Variants in HAPLN1 observed in about 807,000 individuals in gnomAD.
HAPLN1 encodes the protein hyaluronan and proteoglycan link protein 1, also known as Cartilage link protein.
In HAPLN1, 13 loss-of-function variants were observed where a neutral mutation model predicts 36.5. The ratio of observed to expected loss-of-function variants is 0.36; its 90% CI spans 0.23 to 0.57. The LOEUF is 0.57. HAPLN1 is among the 20% of genes least tolerant of loss of function. The probability of loss-of-function intolerance (pLI) is 0.83; values close to 1 mark genes in which losing one functional copy is unlikely to be tolerated. For synonymous variants in HAPLN1, 202 were observed against 169.8 expected, an observed-to-expected ratio of 1.19 and a Z score of -1.48; for missense variants, 407 against 439.7, an observed-to-expected ratio of 0.93 and a Z score of 0.66.
rs1008202800 is a variant in HAPLN1 at position 83,644,556 on chromosome 5, C to T, written c.582G>A (p.Leu194=). The part of the protein sequence containing the change: ...QDAVIASFDQ[L]YDAWRGGLDW... Reference sequence around the variant, plus strand: ...CCAGCCCGCCCCGCCAGGCGTCGTACAGCTGGTCGAAGGAGGCGATCACAG... The same window carrying T: ...CCAGCCCGCCCCGCCAGGCGTCGTATAGCTGGTCGAAGGAGGCGATCACAG... Residue 194 remains leucine, a synonymous_variant, in exon 4 of 5, where the codon CTG becomes CTA. Transcript: ENST00000274341. The T allele has an allele frequency of 1.9e-6, 3 of 1,602,536 alleles. No individual in the cohort carries two copies. The highest frequency in any genetic ancestry group is 2.6e-6 in the Non-Finnish European group (3 of 1,175,054).
chr5:83,650,129 T>C (rs1023587812), intron 3 of HAPLN1, among the ~76,000 whole-genome samples: 3 of 152,094 alleles, frequency 2.0e-5, no homozygotes, highest in Non-Finnish European at 4.4e-5. Flanking sequence ...TTTTAAAGCC[T>C]CTCCTCTACC....
chr5:83,716,015 T>G (rs564527289), intron 1 of HAPLN1, among the ~76,000 whole-genome samples: 1 of 152,192 alleles, frequency 6.6e-6, no homozygotes, highest in Admixed American at 6.5e-5. Flanking sequence ...GCCTGGTAAA[T>G]AGCCAGTGCT....
chr5:83,695,930 TA>T (rs759471935), intron 1 of HAPLN1, among the ~76,000 whole-genome samples: 2 of 151,886 alleles, frequency 1.3e-5, no homozygotes, highest in African/African-American at 2.4e-5. Flanking sequence ...AGAGTGGAAT[TA>T]AGGCAAGAAA....
intron 1 of HAPLN1, among the ~76,000 whole-genome samples, chr5:83,699,153 TAAAAG>T (rs996220819): frequency 1.4e-4 from 21 of 152,172 alleles, no homozygotes; most frequent in African/African-American, 5.1e-4. Flanking sequence ...AAAGAGTACA[TAAAAG>T]GAAGAGGCTT....
intron 1 of HAPLN1, among the ~76,000 whole-genome samples, chr5:83,689,676 C>T (rs1470071904): frequency 6.6e-6 from 1 of 151,980 alleles, no homozygotes; most frequent in African/African-American, 2.4e-5. Context: ...GGCCAATTTT[C>T]TCAGAAAGGG....
intron 3 of HAPLN1, among the ~76,000 whole-genome samples, chr5:83,645,521 ATT>A (rs1412913262): frequency 1.2e-5 from 1 of 83,364 alleles, no homozygotes; most frequent in African/African-American, 5.0e-5. Context: ...GTGTTAGTAT[ATT>A]TTATGTGTGG....
At chr5:83,689,593 T>C (rs1351275127) in intron 1 of HAPLN1, among the ~76,000 whole-genome samples, 1 of 152,086 alleles carries the variant, frequency 6.6e-6, no homozygotes, top group Non-Finnish European at 1.5e-5. Context: ...AGTGGAATGA[T>C]AATATCAAGG....
At chr5:83,698,445 T>C (rs1267527449) in intron 1 of HAPLN1, among the ~76,000 whole-genome samples, 1 of 152,218 alleles carries the variant, frequency 6.6e-6, no homozygotes, top group Non-Finnish European at 1.5e-5. Flanking sequence ...CTGTGACATA[T>C]GTTAAAAAAT....
Position 83,638,135 on chromosome 5 carries a change from T to TGAC in HAPLN1, c.*3358_*3360dup, listed in dbSNP as rs1401074461. Reference sequence around the variant, plus strand: ...AATGCCTTTCTTGGAAATAATGTATTGACAGAGTTTGACACAAAGAAAAAT... The same window carrying TGAC: ...AATGCCTTTCTTGGAAATAATGTATTGACGACAGAGTTTGACACAAAGAAAAAT... On this transcript the variant is annotated 3_prime_UTR_variant, in exon 5 of 5. Coordinates refer to ENST00000274341, the MANE Select transcript of HAPLN1 (RefSeq NM_001884.4). 6.6e-6 allele frequency: 1 copy of TGAC among 151,864 alleles called. No individual in the cohort carries two copies. Among genetic ancestry groups the TGAC allele is most frequent in the Non-Finnish European group, 1.5e-5 (1 of 67,856 alleles). 9.4% of individuals were successfully genotyped at this position (151,864 alleles called of 1,614,324 possible). A position where few individuals can be genotyped will look rare whatever the true frequency, so the allele number is the denominator to read the frequency against.
chr5:83,681,182 CA>C (rs993289479), intron 1 of HAPLN1, among the ~76,000 whole-genome samples: 5 of 151,962 alleles, frequency 3.3e-5, no homozygotes, highest in Non-Finnish European at 7.4e-5. Context: ...TTATTATGAT[CA>C]GTAATAGTAA....
intron 2 of HAPLN1, among the ~76,000 whole-genome samples, chr5:83,661,435 C>CTTT (rs56005008): frequency 0.027 from 1,680 of 63,004 alleles, 336 homozygotes; most frequent in Middle Eastern, 0.034. Flanking sequence ...AGAAAAGCTT[C>CTTT]TTTTTTTTTT....
intron 2 of HAPLN1, among the ~76,000 whole-genome samples, chr5:83,672,336 C>CTA (rs1003710493): frequency 2.2e-4 from 33 of 152,216 alleles, no homozygotes; most frequent in East Asian, 5.8e-4. Context: ...TCTGATTCTA[C>CTA]TATATATTAC....
At chr5:83,687,538 T>A (rs1013479625) in intron 1 of HAPLN1, among the ~76,000 whole-genome samples, 3 of 152,208 alleles carry the variant, frequency 2.0e-5, no homozygotes, top group African/African-American at 7.2e-5. Flanking sequence ...AAACAAGGAA[T>A]GACCTCTTTA....
chr5:83,713,659 T>C (rs572106685), intron 1 of HAPLN1, among the ~76,000 whole-genome samples: 1 of 152,336 alleles, frequency 6.6e-6, no homozygotes, highest in African/African-American at 2.4e-5. Context: ...CTGTTGGCAC[T>C]TCTTCCTAAA....
chr5:83,647,471 A>G (rs1006701332), intron 3 of HAPLN1, among the ~76,000 whole-genome samples: 4 of 152,204 alleles, frequency 2.6e-5, no homozygotes, highest in African/African-American at 9.6e-5. Flanking sequence ...AGTAAGATGT[A>G]TCTTACAAGC....
intron 2 of HAPLN1, among the ~76,000 whole-genome samples, chr5:83,663,503 T>G (rs1024786258): frequency 2.0e-5 from 3 of 152,154 alleles, no homozygotes; most frequent in Admixed American, 6.5e-5. Context: ...TCTGGTCCCA[T>G]AGTTATAAAT....
chr5:83,663,445 C>T (rs1750467556), intron 2 of HAPLN1, among the ~76,000 whole-genome samples: 1 of 152,072 alleles, frequency 6.6e-6, no homozygotes, highest in African/African-American at 2.4e-5. Context: ...CATACTAGGT[C>T]CATCTCCTTC....
intron 1 of HAPLN1, among the ~76,000 whole-genome samples, chr5:83,699,396 C>T (rs111728668): frequency 3.3e-5 from 5 of 152,286 alleles, no homozygotes; most frequent in South Asian, 4.2e-4. Context: ...TAAATCACCA[C>T]GGCCTAGGAT....
intron 1 of HAPLN1, among the ~76,000 whole-genome samples, chr5:83,698,237 T>C (rs779170251): frequency 1.1e-4 from 16 of 152,168 alleles, no homozygotes; most frequent in Admixed American, 5.9e-4. Flanking sequence ...GTCTGTCTAC[T>C]TCTCCCAGCA....
Sources: gnomAD v4.1 joint callset for allele counts (sites outside exome capture counted in the v4.1 genomes callset) on GRCh38, gnomAD v4.1.1 for gene constraint, MANE v1.5 for transcripts, NCBI Gene and HGNC (gene_info 2026-07-23, HGNC 2026-07-21) for gene names.